The following SEPTIN8 variants were observed in gnomAD, a reference collection of about 807,000 sequenced individuals.
SEPTIN8 encodes septin-8.
SEPTIN8 carries 22 observed loss-of-function variants against 53.1 expected under a neutral mutation model. The observed-to-expected ratio is 0.41, with a 90% confidence interval of 0.30 to 0.59. SEPTIN8 has a LOEUF of 0.59. Ranked by LOEUF, SEPTIN8 falls within the 20% of genes least tolerant of loss-of-function variation. The pLI is 0.24. For synonymous variants in SEPTIN8, 228 were observed against 248.4 expected (o/e 0.92, Z 0.77); for missense variants, 536 against 638.7 (o/e 0.84, Z 1.73).
chr5:132,754,081 T>C (rs1405160744), intron 9 of SEPTIN8: 5 of 240,578 alleles, frequency 2.1e-5, no homozygotes, highest in Non-Finnish European at 3.3e-5. Context: ...GTCTATATTA[T>C]AGAGTTAGTA....
At chr5:132,756,537 T>A in intron 9 of SEPTIN8, 1 of 985,432 alleles carries the variant, frequency 1.0e-6, no homozygotes. Flanking sequence ...GGTCACATTC[T>A]ATGGGGGCTA....
At chr5:132,777,665 G>C, upstream of SEPTIN8, 2 of 985,560 alleles carry the variant, frequency 2.0e-6, no homozygotes, top group Non-Finnish European at 2.4e-6. This position sits in a 1 kb window ranked among gnomAD's most constrained non-coding sequence, Gnocchi z 4.1. Flanking sequence ...AAATGTGCTG[G>C]GACCACCAAC....
At chr5:132,770,135 GTATGTGTGTGTATATATATA>G (rs1561769108) in intron 1 of SEPTIN8, among the ~76,000 whole-genome samples, 3 of 93,742 alleles carry the variant, frequency 3.2e-5, no homozygotes, top group African/African-American at 2.1e-4. Flanking sequence ...GTATATATGT[GTATGTGTGTGTATATATATA>G]TATATATATA....
chr5:132,777,369 C>T (rs1450976663), upstream of SEPTIN8: 2 of 1,033,050 alleles, frequency 1.9e-6, no homozygotes, highest in Non-Finnish European at 1.2e-6. This position sits in a 1 kb window ranked among gnomAD's most constrained non-coding sequence, Gnocchi z 4.1. Context: ...AGCCGGAGCC[C>T]CGCCGCTTGG....
At chr5:132,762,939 C>T (rs140501408) in intron 4 of SEPTIN8, among the ~76,000 whole-genome samples, 107 of 152,312 alleles carry the variant, frequency 7.0e-4, no homozygotes, top group African/African-American at 2.5e-3. Flanking sequence ...GACCCAGAAT[C>T]CTTTGAAGGT....
Position 132,761,375 on chromosome 5 carries a change from T to C in SEPTIN8, c.962+83A>G. On this transcript the variant is annotated intron_variant, in intron 7 of 9. Coordinates refer to ENST00000378719, the MANE Select transcript of SEPTIN8 (RefSeq NM_001098811.2). The surrounding 1 kb of genome is among the most constrained non-coding windows in gnomAD (Gnocchi z 5.8). ...TGTGGGCACGAGGGGTAAGAGGATG[T>C]GGGGTCCCTCAGGGAACAGATGCCA... is the stretch of plus-strand genomic sequence containing the variant. The C allele has an allele frequency of 6.3e-7, 1 of 1,587,052 alleles. No individual in the cohort carries two copies. The highest frequency in any genetic ancestry group is 1.1e-5 in the South Asian group (1 of 88,598).
chr5:132,752,964 C>T (rs762115874), intron 9 of SEPTIN8: 1 of 1,613,604 alleles, frequency 6.2e-7, no homozygotes, highest in Non-Finnish European at 8.5e-7. Flanking sequence ...TGTCACCTGC[C>T]AACTAGCCCC....
At chr5:132,758,597 C>T (rs930755969) in intron 9 of SEPTIN8, 19 of 1,606,754 alleles carry the variant, frequency 1.2e-5, no homozygotes, top group Non-Finnish European at 1.6e-5. Flanking sequence ...TTCCAGCATT[C>T]ATGGCTTTTA....
chr5:132,760,720 G>T lies in SEPTIN8; in HGVS notation c.1286+82C>A. 13 of 1,323,040 alleles carry T rather than the reference G, an allele frequency of 9.8e-6. No individual in the cohort carries two copies. The highest frequency in any genetic ancestry group is 1.4e-5 in the Non-Finnish European group (13 of 951,848). The allele number at this position is 1,323,040 out of a possible 1,614,324, so 82.0% of individuals were successfully genotyped here. A position where few individuals can be genotyped will look rare whatever the true frequency, so the allele number is the denominator to read the frequency against. ...GGTAAGAGAGGGCGAGCAGGAGAGC[G>T]AGAAGGGAGGTGAGGGACAAGAACG... On this transcript the variant is annotated intron_variant, in intron 9 of 9. Coordinates refer to ENST00000378719, the MANE Select transcript of SEPTIN8 (RefSeq NM_001098811.2). This position sits in a 1 kb window ranked among gnomAD's most constrained non-coding sequence, Gnocchi z 5.2.
At chr5:132,752,985 C>T (rs775565294) in intron 9 of SEPTIN8, 1 of 1,602,520 alleles carries the variant, frequency 6.2e-7, no homozygotes, top group East Asian at 2.2e-5. Flanking sequence ...TCTGCCTCCA[C>T]CCCGGGGCTT....
chr5:132,752,863 C>T, intron 9 of SEPTIN8: 1 of 1,612,498 alleles, frequency 6.2e-7, no homozygotes, highest in South Asian at 1.1e-5. Context: ...TATTCTAATA[C>T]AGGTTGGTGA....
At chr5:132,779,053 T>G (rs2150015268), upstream of SEPTIN8, among the ~76,000 whole-genome samples, 1 of 152,368 alleles carries the variant, frequency 6.6e-6, no homozygotes, top group African/African-American at 2.4e-5. Flanking sequence ...CCAGTGGCTA[T>G]GAGAAGGAAA....
rs1756069889 is a variant in SEPTIN8, at chr5:132,762,370, G to A, written c.696+114C>T. On this transcript the variant is annotated intron_variant, in intron 5 of 9. Transcript: ENST00000378719. ...CTCCAGATGCCCACCCTTCTGTCCT[G>A]GAGAAGCTAAGGCTGGAATCCTGGG... 4.1e-5 allele frequency: 44 copies of A among 1,060,918 alleles called. 1 individual carries two copies. In the South Asian group the frequency reaches 6.4e-4, roughly 15 times the overall value. 65.7% of individuals were successfully genotyped at this position (1,060,918 alleles called of 1,614,324 possible). A position where few individuals can be genotyped will look rare whatever the true frequency, so the allele number is the denominator to read the frequency against.
At position 132,765,473 on chromosome 5, in the gene SEPTIN8, G is replaced by C; in HGVS notation, c.87C>G (p.Ser29Arg). 1.2e-6 allele frequency: 2 copies of C among 1,613,362 alleles called. No individual in the cohort carries two copies. Among genetic ancestry groups the C allele is most frequent in the African/African-American group, 1.3e-5 (1 of 75,012 alleles). ...ACTTGCTGACCAGCTGGTCGGGGAG[G>C]CTGTCGAAACCCACATGGCCGCCCA... ...LSLGGHVGFD[S>R]LPDQLVSKSV... The change falls in exon 2 of 10, where the codon AGC (serine) becomes AGG (arginine). Residue 29 changes from serine (S) to arginine (R), a missense_variant. Physicochemically the swap from Ser to Arg is moderately radical, Grantham distance 110. Transcript: ENST00000378719.
At position 132,751,064 on chromosome 5, in the gene SEPTIN8, A is replaced by T. The variant is rs1581119611; in HGVS notation, c.*952T>A. Reference sequence around the variant, plus strand: ...TGTGCCTTTGGAACAGCTGTTTACAACATGGGATGGCAAAGCACAGGCGTG... The same window carrying T: ...TGTGCCTTTGGAACAGCTGTTTACATCATGGGATGGCAAAGCACAGGCGTG... On this transcript the variant is annotated 3_prime_UTR_variant, in exon 10 of 10. Coordinates refer to ENST00000378719, the MANE Select transcript of SEPTIN8 (RefSeq NM_001098811.2). 1 of 1,578,012 alleles carries T rather than the reference A, an allele frequency of 6.3e-7. No individual in the cohort carries two copies. Among genetic ancestry groups the T allele is most frequent in the East Asian group, 2.2e-5 (1 of 44,638 alleles).
rs1180883607 is a variant in SEPTIN8 at position 132,761,804 on chromosome 5, C to T, written c.789G>A (p.Val263=). The T allele has an allele frequency of 1.9e-6, 3 of 1,607,826 alleles. No homozygotes were observed. The highest frequency in any genetic ancestry group is 1.7e-4 in the Middle Eastern group (1 of 6,056). Residue 263 remains valine, a synonymous_variant, in exon 6 of 10, where the codon GTG becomes GTA. Transcript: ENST00000378719. This position sits in a 1 kb window ranked among gnomAD's most constrained non-coding sequence, Gnocchi z 5.8. ...GCATTTCCTGTCCACACTCACCCTG[C>T]ACCACTCCCCAGGGGTACTGCCGTG... ...VRARQYPWGV[V]QVENENHCDF...
chr5:132,770,478 C>T (rs1252357422), intron 1 of SEPTIN8, among the ~76,000 whole-genome samples: 1 of 152,054 alleles, frequency 6.6e-6, no homozygotes, highest in Admixed American at 6.5e-5. Context: ...CCATGCCTGG[C>T]CCAGAAATCT....
Position 132,762,559 on chromosome 5 carries a change from C to A in SEPTIN8, c.621G>T (p.Leu207Phe), listed in dbSNP as rs1434813533. 1 of 1,614,090 alleles carries A rather than the reference C, an allele frequency of 6.2e-7. No individual in the cohort carries two copies. Among genetic ancestry groups the A allele is most frequent in the African/African-American group, 1.3e-5 (1 of 74,954 alleles). ...GGTAGATCTGGACCCCGTTGCTGACCAACTCGCCCATGATCTTGATCTTGA... is the reference window on the plus strand; with the variant it reads ...GGTAGATCTGGACCCCGTTGCTGACAAACTCGCCCATGATCTTGATCTTGA... ...HKFKIKIMGELVSNGVQIYQF... is the reference protein window; with the variant it reads ...HKFKIKIMGEFVSNGVQIYQF... Residue 207 changes from leucine to phenylalanine, a missense_variant, in exon 5 of 10, where the codon TTG becomes TTT. By Grantham distance (22) the Leu-to-Phe change is conservative. Around this residue, in one of 3 missense-constraint regions of SEPTIN8, gnomAD observed 395 missense variants for 451.8 expected, o/e 0.87. Transcript: ENST00000378719.
At chr5:132,778,151 CA>C (rs966225572), upstream of SEPTIN8, 2 of 878,012 alleles carry the variant, frequency 2.3e-6, no homozygotes, top group African/African-American at 3.6e-5. Context: ...AAGCAGCTCC[CA>C]AATCCTCTGA....
Sources: allele counts gnomAD v4.1 joint callset (sites outside exome capture counted in the v4.1 genomes callset), GRCh38; gene constraint gnomAD v4.1.1; regional missense constraint gnomAD v4.1.1; non-coding constraint Gnocchi (gnomAD v3.1); transcripts MANE v1.5; gene names NCBI Gene and HGNC (gene_info 2026-07-23, HGNC 2026-07-21).